PELI2: variants seen among roughly 807,000 people sequenced by gnomAD.
The protein encoded by PELI2 is E3 ubiquitin-protein ligase pellino homolog 2.
In PELI2, 23 loss-of-function variants were observed where a neutral mutation model predicts 42.3. The observed-to-expected ratio is 0.54, with a 90% CI of 0.39 to 0.77. The LOEUF (loss-of-function observed/expected upper bound fraction) is 0.77. Ranked by LOEUF, PELI2 falls within the 30% of genes least tolerant of loss-of-function variation. The pLI is 0.00. For missense variants in PELI2, 463 were observed against 553.2 expected (o/e 0.84, Z 1.64); for synonymous variants, 245 against 212.2 (o/e 1.15, Z -1.34).
intron 2 of PELI2, among the ~76,000 whole-genome samples, chr14:56,260,843 T>A (rs1888687079): frequency 6.6e-6 from 1 of 152,156 alleles, no homozygotes; most frequent in Non-Finnish European, 1.5e-5. Flanking sequence ...TCCTAATGAA[T>A]GGATATGGAC....
intron 2 of PELI2, among the ~76,000 whole-genome samples, chr14:56,244,765 G>A (rs951269389): frequency 6.6e-6 from 1 of 152,150 alleles, no homozygotes; most frequent in Non-Finnish European, 1.5e-5. Context: ...TTTGGAATAA[G>A]GTATGAAATA....
chr14:56,130,449 T>A (rs1014756356), intron 1 of PELI2, among the ~76,000 whole-genome samples: 9 of 152,218 alleles, frequency 5.9e-5, no homozygotes, highest in Admixed American at 6.5e-5. Flanking sequence ...TTATTTTGTT[T>A]TTTTTTAACC....
chr14:56,271,664 G>A (rs1458203051), intron 2 of PELI2, among the ~76,000 whole-genome samples: 1 of 152,156 alleles, frequency 6.6e-6, no homozygotes, highest in Non-Finnish European at 1.5e-5. Flanking sequence ...GCCATGTTGT[G>A]GCCATCATTC....
At chr14:56,269,535 T>C (rs910373716) in intron 2 of PELI2, among the ~76,000 whole-genome samples, 1 of 152,166 alleles carries the variant, frequency 6.6e-6, no homozygotes, top group Non-Finnish European at 1.5e-5. Context: ...ATATGAACCT[T>C]TCACTTATTT....
intron 5 of PELI2, among the ~76,000 whole-genome samples, chr14:56,293,977 T>C (rs1344471050): frequency 6.6e-6 from 1 of 152,102 alleles, no homozygotes; most frequent in East Asian, 1.9e-4. Flanking sequence ...GAGAATTGCC[T>C]GTGGTCAGCA....
intron 2 of PELI2, among the ~76,000 whole-genome samples, chr14:56,223,547 G>T (rs1332727246): frequency 6.6e-6 from 1 of 152,170 alleles, no homozygotes; most frequent in Non-Finnish European, 1.5e-5. Flanking sequence ...TGTGGATTGG[G>T]TGCAGTCATA....
intron 3 of PELI2, among the ~76,000 whole-genome samples, chr14:56,287,878 G>A (rs1247217520): frequency 6.6e-6 from 1 of 152,158 alleles, no homozygotes; most frequent in East Asian, 1.9e-4. Context: ...GAATAAAAAT[G>A]CCTTGGAAAT....
intron 5 of PELI2, among the ~76,000 whole-genome samples, chr14:56,294,206 T>C (rs1280565642): frequency 1.3e-5 from 2 of 152,210 alleles, no homozygotes; most frequent in African/African-American, 4.8e-5. Context: ...AAGGAAAATG[T>C]CCAGGGCAAA....
intron 1 of PELI2, among the ~76,000 whole-genome samples, chr14:56,168,762 A>T (rs114865663): frequency 1.3e-5 from 2 of 151,884 alleles, no homozygotes; most frequent in Non-Finnish European, 2.9e-5. Flanking sequence ...CATAGCTACC[A>T]CAGCTGGGAA....
At chr14:56,127,908 G>A (rs1883337075) in intron 1 of PELI2, among the ~76,000 whole-genome samples, 1 of 152,126 alleles carries the variant, frequency 6.6e-6, no homozygotes, top group Non-Finnish European at 1.5e-5. Context: ...ATGATGTTAA[G>A]TCTGTTGCTT....
At chr14:56,193,527 A>G (rs1272984817) in intron 2 of PELI2, among the ~76,000 whole-genome samples, 1 of 152,226 alleles carries the variant, frequency 6.6e-6, no homozygotes, top group Non-Finnish European at 1.5e-5. Flanking sequence ...TGGGAAAGGA[A>G]AAAGAGAAGA....
At chr14:56,221,938 G>T (rs915054822) in intron 2 of PELI2, among the ~76,000 whole-genome samples, 1 of 152,172 alleles carries the variant, frequency 6.6e-6, no homozygotes, top group Admixed American at 6.5e-5. Context: ...ATGAAGTTTA[G>T]CTTCCTGCCT....
intron 3 of PELI2, among the ~76,000 whole-genome samples, chr14:56,283,294 A>G (rs143686026): frequency 6.6e-6 from 1 of 152,352 alleles, no homozygotes; most frequent in East Asian, 1.9e-4. Context: ...TTTGTCATAC[A>G]GAATATCGAA....
chr14:56,251,305 G>A (rs763992225), intron 2 of PELI2, among the ~76,000 whole-genome samples: 1 of 152,246 alleles, frequency 6.6e-6, no homozygotes, highest in African/African-American at 2.4e-5. Flanking sequence ...CTCCTAGGAA[G>A]ATAGTAGCAT....
chr14:56,268,010 A>G (rs76630093), intron 2 of PELI2, among the ~76,000 whole-genome samples: 2,454 of 152,286 alleles, frequency 0.016, 67 homozygotes, highest in African/African-American at 0.056. Flanking sequence ...TGTCAGATTC[A>G]ATTTATAGCA....
Position 56,127,206 on chromosome 14 carries a change from C to G in PELI2, c.77+8469C>G, listed in dbSNP as rs147359672. 2.6e-5 allele frequency among the ~76,000 whole-genome samples: 4 copies of G among 152,286 alleles called. No individual in the cohort carries two copies. The East Asian group carries it at 7.7e-4, about 29-fold the overall frequency. On this transcript the variant is annotated intron_variant, in intron 1 of 5. Coordinates refer to ENST00000267460, the MANE Select transcript of PELI2 (RefSeq NM_021255.3). ...AAGAATAGCCTAGCTTACTGAGAAC[C>G]ATGCTTCTGGCAGACTGGAACATAA... is the stretch of plus-strand genomic sequence containing the variant.
chr14:56,234,396 A>G (rs1887705810), intron 2 of PELI2, among the ~76,000 whole-genome samples: 1 of 152,256 alleles, frequency 6.6e-6, no homozygotes, highest in Admixed American at 6.5e-5. Flanking sequence ...TGTGGTACAT[A>G]TACACCATGG....
Position 56,280,095 on chromosome 14 carries a change from A to C in PELI2, c.309+318A>C, listed in dbSNP as rs191942503. On this transcript the variant is annotated intron_variant, in intron 3 of 5. Transcript: ENST00000267460. The stretch of plus-strand genomic sequence containing the variant: ...ATACTTTCTAAGTAGCATTTGAATG[A>C]AAGGGACATCCAAACTACATTTATA... Among the ~76,000 whole-genome samples, 6 of 152,290 alleles carry C rather than the reference A, an allele frequency of 3.9e-5. No individual in the cohort carries two copies. In the East Asian group the frequency reaches 9.7e-4, roughly 25 times the overall value.
At position 56,288,387 on chromosome 14, in the gene PELI2, G is replaced by T; in HGVS notation, c.310-50G>T. ...TGCTTTTTCCTTGTGAATAAAATAC[G>T]GCACCCTGCTATTTTCCAAGTGAAT... On this transcript the variant is annotated intron_variant, in intron 3 of 5. Coordinates refer to ENST00000267460, the MANE Select transcript of PELI2 (RefSeq NM_021255.3). The surrounding 1 kb of genome is among the most constrained non-coding windows in gnomAD (Gnocchi z 4.6). The T allele has an allele frequency of 7.2e-7, 1 of 1,387,436 alleles. No individual in the cohort carries two copies. Among genetic ancestry groups the T allele is most frequent in the South Asian group, 1.2e-5 (1 of 83,326 alleles). 85.9% of individuals were successfully genotyped at this position (1,387,436 alleles called of 1,614,324 possible).
Sources: gnomAD v4.1 joint callset for allele counts (sites outside exome capture counted in the v4.1 genomes callset) on GRCh38, gnomAD v4.1.1 for gene constraint, Gnocchi (gnomAD v3.1) non-coding constraint, MANE v1.5 for transcripts, NCBI Gene and HGNC (gene_info 2026-07-23, HGNC 2026-07-21) for gene names.